Variants in EPHA3 observed in about 807,000 individuals in gnomAD.
EPHA3 encodes the protein EPH receptor A3.
A neutral mutation model predicts 107.1 loss-of-function variants in EPHA3; 42 were observed. That is an observed-to-expected ratio of 0.39 (90% CI 0.31 to 0.51). The LOEUF (loss-of-function observed/expected upper bound fraction) is 0.51. Ranked by LOEUF, EPHA3 falls within the 20% of genes least tolerant of loss-of-function variation. The pLI is 0.78. For synonymous variants in EPHA3, 461 were observed against 424.8 expected, an observed-to-expected ratio of 1.09 and a Z score of -1.05; for missense variants, 1,183 against 1,211.2, an observed-to-expected ratio of 0.98 and a Z score of 0.35.
intron 2 of EPHA3, among the ~76,000 whole-genome samples, chr3:89,208,383 AG>A (rs1706162986): frequency 9.8e-6 from 1 of 101,606 alleles, no homozygotes; most frequent in Admixed American, 1.1e-4. Context: ...AAAAAAAAAA[AG>A]AAAAGAAAGA....
chr3:89,157,523 T>C (rs1274631383), intron 2 of EPHA3, among the ~76,000 whole-genome samples: 1 of 151,956 alleles, frequency 6.6e-6, no homozygotes, highest in African/African-American at 2.4e-5. Flanking sequence ...GTGTTTCTCC[T>C]GATTTCCTTT....
At chr3:89,301,360 C>A (rs1706483920) in intron 3 of EPHA3, among the ~76,000 whole-genome samples, 1 of 151,978 alleles carries the variant, frequency 6.6e-6, no homozygotes, top group African/African-American at 2.4e-5. Context: ...CTGATAATGT[C>A]ACTTTTTAGT....
intron 3 of EPHA3, among the ~76,000 whole-genome samples, chr3:89,290,873 T>A (rs915621165): frequency 2.0e-5 from 3 of 152,156 alleles, no homozygotes; most frequent in Non-Finnish European, 2.9e-5. Context: ...AGCCAAGTTG[T>A]TAGATGTAAG....
intron 2 of EPHA3, among the ~76,000 whole-genome samples, chr3:89,180,512 T>C (rs1705419286): frequency 6.6e-6 from 1 of 152,028 alleles, no homozygotes; most frequent in African/African-American, 2.4e-5. Context: ...GGTCAAATAT[T>C]GTTTTGACAT....
In EPHA3 at chr3:89,165,204, A is replaced by G. The variant is rs145113058; in HGVS notation, c.153+37931A>G. 7.1e-3 allele frequency among the ~76,000 whole-genome samples: 1,087 copies of G among 152,314 alleles called. 16 individuals are homozygous for G. The highest frequency in any genetic ancestry group is 0.025 in the African/African-American group (1,053 of 41,570). On this transcript the variant is annotated intron_variant, in intron 2 of 16. Coordinates refer to ENST00000336596, the MANE Select transcript of EPHA3 (RefSeq NM_005233.6). ...CAACCTCATTTCTTTTGTAGCTACA[A>G]TTGAAACTCTGGGAAAGCTGAATGA...
At chr3:89,246,240 A>G (rs1461919309) in intron 3 of EPHA3, among the ~76,000 whole-genome samples, 3 of 152,186 alleles carry the variant, frequency 2.0e-5, no homozygotes, top group Non-Finnish European at 4.4e-5. Context: ...CAGTATGGAA[A>G]CTTGAAGTTT....
intron 15 of EPHA3, among the ~76,000 whole-genome samples, chr3:89,452,012 A>G (rs531202679): frequency 2.1e-3 from 316 of 152,206 alleles, no homozygotes; most frequent in Non-Finnish European, 2.7e-3. Context: ...TATTTAAAAC[A>G]ATATTTTAAG....
chr3:89,274,816 C>T (rs1309556950), intron 3 of EPHA3, among the ~76,000 whole-genome samples: 1 of 151,844 alleles, frequency 6.6e-6, no homozygotes, highest in African/African-American at 2.4e-5. Flanking sequence ...AAGATTGGAG[C>T]CCAATAATCA....
intron 2 of EPHA3, among the ~76,000 whole-genome samples, chr3:89,194,405 A>G (rs1705787417): frequency 6.6e-6 from 1 of 151,980 alleles, no homozygotes; most frequent in Non-Finnish European, 1.5e-5. Flanking sequence ...AATGTGGTTT[A>G]TTGGCACTTG....
At chr3:89,405,137 C>T (rs1399653642) in intron 7 of EPHA3, among the ~76,000 whole-genome samples, 12 of 152,014 alleles carry the variant, frequency 7.9e-5, no homozygotes, top group Non-Finnish European at 1.3e-4. Context: ...AGATGTAGGT[C>T]TGTCATTTAT....
At chr3:89,452,601 C>A (rs1710016061) in intron 15 of EPHA3, among the ~76,000 whole-genome samples, 2 of 152,192 alleles carry the variant, frequency 1.3e-5, no homozygotes, top group Admixed American at 1.3e-4. Flanking sequence ...ATATTAGCCA[C>A]CTATGAGATA....
chr3:89,422,180 T>C (rs932738443), intron 11 of EPHA3, among the ~76,000 whole-genome samples: 2 of 143,502 alleles, frequency 1.4e-5, no homozygotes, highest in Non-Finnish European at 3.1e-5. Flanking sequence ...ATAAAGTTGA[T>C]ATGTTGTATT....
At chr3:89,302,175 A>G (rs1576299260) in intron 3 of EPHA3, among the ~76,000 whole-genome samples, 2 of 152,126 alleles carry the variant, frequency 1.3e-5, no homozygotes, top group South Asian at 4.1e-4. Context: ...ATTCAAAAAA[A>G]GTTGTCATCT....
At chr3:89,339,979 C>T (rs1707481168) in intron 3 of EPHA3, among the ~76,000 whole-genome samples, 1 of 152,162 alleles carries the variant, frequency 6.6e-6, no homozygotes, top group South Asian at 2.1e-4. Flanking sequence ...GGAATTTTCA[C>T]TATGATTTTA....
intron 6 of EPHA3, among the ~76,000 whole-genome samples, chr3:89,398,016 C>T (rs1708884994): frequency 1.3e-5 from 2 of 152,170 alleles, no homozygotes; most frequent in Admixed American, 1.3e-4. Context: ...ATTTGCATCA[C>T]ATATACCTAA....
intron 11 of EPHA3, among the ~76,000 whole-genome samples, chr3:89,422,868 A>G (rs1248511450): frequency 6.6e-6 from 1 of 151,442 alleles, no homozygotes; most frequent in African/African-American, 2.4e-5. Flanking sequence ...AGCCACAAAC[A>G]ATTTTAATGT....
In EPHA3 at chr3:89,170,041, G is replaced by C. The variant is rs113345228; in HGVS notation, c.154-39819G>C. Among the ~76,000 whole-genome samples, 21 of 152,150 alleles carry C rather than the reference G, an allele frequency of 1.4e-4. 1 individual carries two copies. The highest frequency in any genetic ancestry group is 5.8e-4 in the East Asian group (3 of 5,158). On this transcript the variant is annotated intron_variant, in intron 2 of 16. Transcript: ENST00000336596. ...AGGCGGGTAGATCACGAGGTCAGGG[G>C]ATCGAGACCATCCTGGCTAACACGT...
At chr3:89,213,394 G>A (rs925897443) in intron 3 of EPHA3, among the ~76,000 whole-genome samples, 4 of 151,884 alleles carry the variant, frequency 2.6e-5, no homozygotes, top group African/African-American at 4.8e-5. Context: ...TAGAATAGAG[G>A]TCCTGAAGAG....
rs557533672 is a variant in EPHA3, at chr3:89,472,127, C to T, written c.2691-337C>T. Among the ~76,000 whole-genome samples the T allele has an allele frequency of 9.9e-5, 15 of 152,280 alleles. No homozygotes were observed. The South Asian group carries it at 2.9e-3, about 29-fold the overall frequency. On this transcript the variant is annotated intron_variant, in intron 15 of 16. Coordinates refer to ENST00000336596, the MANE Select transcript of EPHA3 (RefSeq NM_005233.6). ...CAAAGAATTCAGTGTGTCCTGCCTA[C>T]TGTAACCGTATCCTAAATTACTACC... is the stretch of plus-strand genomic sequence containing the variant.
Sources: allele counts gnomAD v4.1 joint callset (sites outside exome capture counted in the v4.1 genomes callset), GRCh38; gene constraint gnomAD v4.1.1; transcripts MANE v1.5; gene names NCBI Gene and HGNC (gene_info 2026-07-23, HGNC 2026-07-21).